Variants in NCK1 observed in about 807,000 individuals in gnomAD.
The protein encoded by NCK1 is SH2/SH3 adapter protein NCK1.
NCK1 carries 19 observed loss-of-function variants against 36.6 expected under a neutral mutation model. The ratio of observed to expected loss-of-function variants is 0.52; its 90% CI spans 0.36 to 0.76. The LOEUF is 0.76. Among genes scored for constraint, NCK1 ranks in the 30% least tolerant of loss-of-function variants. The probability of loss-of-function intolerance (pLI) is 0.00; values close to 1 mark genes in which losing one functional copy is unlikely to be tolerated. For synonymous variants in NCK1, 165 were observed against 156.0 expected (o/e 1.06, Z -0.43); for missense variants, 358 against 445.6 (o/e 0.80, Z 1.77).
At chr3:136,893,130 G>A (rs115290401) in intron 1 of NCK1, among the ~76,000 whole-genome samples, 7,700 of 141,390 alleles carry the variant, frequency 0.054, 316 homozygotes, top group Non-Finnish European at 0.079. Context: ...TCTTTTTATG[G>A]CTAAGTAATA....
intron 1 of NCK1, among the ~76,000 whole-genome samples, chr3:136,892,407 G>T (rs1939270743): frequency 6.6e-6 from 1 of 152,008 alleles, no homozygotes; most frequent in Non-Finnish European, 1.5e-5. Context: ...TGCTACTGAT[G>T]TCCTGGATTA....
intron 1 of NCK1, among the ~76,000 whole-genome samples, chr3:136,910,499 T>TA (rs1316975741): frequency 6.6e-6 from 1 of 152,220 alleles, no homozygotes; most frequent in Non-Finnish European, 1.5e-5. Context: ...ACCTCAGAGT[T>TA]ACAAACTAAA....
rs564448025 is a variant in NCK1 at position 136,945,482 on chromosome 3, C to T, written c.227-101C>T. The T allele has an allele frequency of 3.9e-5, 31 of 800,336 alleles. No individual in the cohort carries two copies. The African/African-American group carries it at 4.9e-4, about 13-fold the overall frequency. 49.6% of individuals were successfully genotyped at this position (800,336 alleles called of 1,614,324 possible). The stretch of plus-strand genomic sequence containing the variant: ...TGTTATATTTAAAAGCTTTAAAGAT[C>T]TATATAGAGTTGAAGATCTCTTTTT... On this transcript the variant is annotated intron_variant, in intron 2 of 3. Coordinates refer to ENST00000481752, the MANE Select transcript of NCK1 (RefSeq NM_001291999.2).
At chr3:136,900,331 T>G (rs1939510648) in intron 1 of NCK1, among the ~76,000 whole-genome samples, 2 of 152,242 alleles carry the variant, frequency 1.3e-5, no homozygotes, top group Non-Finnish European at 2.9e-5. Context: ...CATGCTGTTT[T>G]GGTTACTGTA....
rs1201632623 is a variant in NCK1, at chr3:136,950,914, A to G, written c.*2461A>G. Among the ~76,000 whole-genome samples, 1 of 152,194 alleles carries G rather than the reference A, an allele frequency of 6.6e-6. No individual in the cohort carries two copies. The highest frequency in any genetic ancestry group is 2.4e-5 in the African/African-American group (1 of 41,450). Reference sequence around the variant, plus strand: ...TAGAACATGATATAAGCTTTGTGACAAAAACAAATGCCATTGTGTCCCTTA... The same window carrying G: ...TAGAACATGATATAAGCTTTGTGACGAAAACAAATGCCATTGTGTCCCTTA... On this transcript the variant is annotated 3_prime_UTR_variant, in exon 4 of 4. Coordinates refer to ENST00000481752, the MANE Select transcript of NCK1 (RefSeq NM_001291999.2).
chr3:136,882,657 A>G, intron 1 of NCK1, among the ~76,000 whole-genome samples: 1 of 151,894 alleles, frequency 6.6e-6, no homozygotes, highest in African/African-American at 2.4e-5. Flanking sequence ...TCACCACCAT[A>G]ATCAGCTTTG....
rs1487664449 is a variant in NCK1, at chr3:136,875,668, C to T, written c.-19+13315C>T. Among the ~76,000 whole-genome samples, 1,185 of 150,700 alleles carry T rather than the reference C, an allele frequency of 7.9e-3. 5 individuals are homozygous for T. The highest frequency in any genetic ancestry group is 0.037 in the Middle Eastern group (11 of 294). ...ATTCATAAAGCAAGTCCTGAGTGACCTACAAAGAGACTTAGACTCCCACAC... is the reference window on the plus strand; with the variant it reads ...ATTCATAAAGCAAGTCCTGAGTGACTTACAAAGAGACTTAGACTCCCACAC... On this transcript the variant is annotated intron_variant, in intron 1 of 3. Transcript: ENST00000481752.
chr3:136,905,237 G>C (rs542056933), intron 1 of NCK1, among the ~76,000 whole-genome samples: 2 of 152,070 alleles, frequency 1.3e-5, no homozygotes, highest in African/African-American at 4.8e-5. Flanking sequence ...AGCCAGTCTT[G>C]TCTTGAACTC....
At position 136,946,230 on chromosome 3, in the gene NCK1, G is replaced by A; in HGVS notation, c.874G>A (p.Ala292Thr). The A allele has an allele frequency of 6.2e-7, 1 of 1,613,314 alleles. No individual in the cohort carries two copies. The highest frequency in any genetic ancestry group is 1.1e-5 in the South Asian group (1 of 91,048). Reference sequence around the variant, plus strand: ...TTATGGCAAAGTCACCAGGCATCAAGCAGAAATGGCATTAAATGAAAGAGG... The same window carrying A: ...TTATGGCAAAGTCACCAGGCATCAAACAGAAATGGCATTAAATGAAAGAGG... ...WYYGKVTRHQ[A>T]EMALNERGHE... The change falls in exon 3 of 4, where the codon GCA (alanine) becomes ACA (threonine). Residue 292 changes from alanine to threonine, a missense_variant. This residue lies in a region of NCK1 where 207 missense variants were observed against 253.4 expected (regional missense o/e 0.82). Coordinates refer to ENST00000481752, the MANE Select transcript of NCK1 (RefSeq NM_001291999.2).
chr3:136,935,592 C>G (rs998912697), intron 2 of NCK1, among the ~76,000 whole-genome samples: 10 of 151,936 alleles, frequency 6.6e-5, no homozygotes, highest in Admixed American at 6.6e-5. Flanking sequence ...AGTGGGGTCA[C>G]GAAACCTCTG....
chr3:136,870,096 C>T (rs1486189674), intron 1 of NCK1, among the ~76,000 whole-genome samples: 1 of 139,454 alleles, frequency 7.2e-6, no homozygotes, highest in East Asian at 2.3e-4. Flanking sequence ...CCTGTAATCC[C>T]ATTGGGAGGC....
chr3:136,869,345 G>A (rs147582566), intron 1 of NCK1, among the ~76,000 whole-genome samples: 32 of 152,330 alleles, frequency 2.1e-4, no homozygotes, highest in African/African-American at 7.5e-4. Flanking sequence ...CCAGGAGTTC[G>A]AGACCAGCTT....
At chr3:136,891,536 C>A (rs1373285322) in intron 1 of NCK1, among the ~76,000 whole-genome samples, 1 of 152,152 alleles carries the variant, frequency 6.6e-6, no homozygotes, top group South Asian at 2.1e-4. Flanking sequence ...ACTTTTACTT[C>A]TTTTGGGTTT....
At chr3:136,896,846 T>C (rs1939404878) in intron 1 of NCK1, among the ~76,000 whole-genome samples, 1 of 151,824 alleles carries the variant, frequency 6.6e-6, no homozygotes, top group Non-Finnish European at 1.5e-5. Flanking sequence ...ATATTTGCTA[T>C]TGTGAATAGT....
chr3:136,932,402 C>CA (rs1190876878), intron 2 of NCK1, among the ~76,000 whole-genome samples: 2 of 152,068 alleles, frequency 1.3e-5, no homozygotes, highest in African/African-American at 2.4e-5. Context: ...GTAGAAGAAA[C>CA]AGAGTATTAT....
At chr3:136,942,036 C>T (rs1444003650) in intron 2 of NCK1, among the ~76,000 whole-genome samples, 1 of 152,172 alleles carries the variant, frequency 6.6e-6, no homozygotes, top group Non-Finnish European at 1.5e-5. Context: ...GACGGGGTTT[C>T]ACCATGTTGG....
At chr3:136,943,325 A>C (rs1343866159) in intron 2 of NCK1, among the ~76,000 whole-genome samples, 2 of 152,224 alleles carry the variant, frequency 1.3e-5, no homozygotes, top group Admixed American at 1.3e-4. Context: ...CGGAAGTAAG[A>C]AAATTAGGAA....
intron 1 of NCK1, among the ~76,000 whole-genome samples, chr3:136,893,114 T>C (rs1199450401): frequency 6.7e-6 from 1 of 149,166 alleles, no homozygotes; most frequent in Non-Finnish European, 1.5e-5. Flanking sequence ...ATGCCATTAT[T>C]TTGTTTCTTT....
intron 1 of NCK1, among the ~76,000 whole-genome samples, chr3:136,867,100 CTTTCTTTCTTTCTTTCTTTG>C (rs1202581175): frequency 0.29 from 10,833 of 36,832 alleles, 1,477 homozygotes; most frequent in South Asian, 0.37. Flanking sequence ...TTCTTTCTTT[CTTTCTTTCTTTCTTTCTTTG>C]TTTCTTTCTT....
Sources: gnomAD v4.1 joint callset for allele counts (sites outside exome capture counted in the v4.1 genomes callset) on GRCh38, gnomAD v4.1.1 for gene constraint, gnomAD v4.1.1 regional missense constraint, MANE v1.5 for transcripts, NCBI Gene and HGNC (gene_info 2026-07-23, HGNC 2026-07-21) for gene names.